The following STPG4 variants were observed in gnomAD, a reference collection of about 807,000 sequenced individuals.
The protein encoded by STPG4 is sperm-tail PG-rich repeat containing 4.
In STPG4, 41 loss-of-function variants were observed where a neutral mutation model predicts 31.5. That is an observed-to-expected ratio of 1.30 (90% CI 1.01 to 1.69). The LOEUF is 1.69. Ranked by LOEUF, STPG4 falls within the 40% of genes most tolerant of loss-of-function variation. The pLI is 0.00. For missense variants in STPG4, 375 were observed against 293.4 expected (o/e 1.28, Z -2.03); for synonymous variants, 141 against 103.0 (o/e 1.37, Z -2.24).
At chr2:47,125,600 A>C (rs948437330) in intron 5 of STPG4, among the ~76,000 whole-genome samples, 1 of 152,098 alleles carries the variant, frequency 6.6e-6, no homozygotes, top group African/African-American at 2.4e-5. Flanking sequence ...TCCCATTTAC[A>C]CATTTTTGCT....
chr2:47,133,539 G>A (rs1228386615), intron 3 of STPG4, among the ~76,000 whole-genome samples: 1 of 105,222 alleles, frequency 9.5e-6, no homozygotes, highest in African/African-American at 3.4e-5. Context: ...ACTAATTAAT[G>A]TTTCAATCCA....
At chr2:47,107,754 G>A (rs1685947981) in intron 5 of STPG4, among the ~76,000 whole-genome samples, 1 of 152,162 alleles carries the variant, frequency 6.6e-6, no homozygotes, top group Non-Finnish European at 1.5e-5. Flanking sequence ...GAGTCTGGTG[G>A]GGACGTGGAG....
chr2:47,117,966 G>T (rs768489724), intron 5 of STPG4, among the ~76,000 whole-genome samples: 23 of 151,128 alleles, frequency 1.5e-4, no homozygotes, highest in Non-Finnish European at 3.1e-4. Flanking sequence ...TTGCTCTGTT[G>T]CCCAGGCTGG....
In STPG4 at chr2:47,153,023, A is replaced by G; in HGVS notation, c.82-7T>C. 1.9e-6 allele frequency: 3 copies of G among 1,604,498 alleles called. No homozygotes were observed. Among genetic ancestry groups the G allele is most frequent in the Non-Finnish European group, 2.6e-6 (3 of 1,172,764 alleles). On this transcript the variant is annotated splice_region_variant and splice_polypyrimidine_tract_variant and intron_variant, in intron 1 of 6. Transcript: ENST00000445927. ...AAGTCTTTTGGGCTGGTTTCTGTTA[A>G]CAAACACAAAGTATGCTTATTCATT...
At chr2:47,141,793 G>C (rs1686717262) in intron 3 of STPG4, among the ~76,000 whole-genome samples, 1 of 151,660 alleles carries the variant, frequency 6.6e-6, no homozygotes, top group Non-Finnish European at 1.5e-5. Flanking sequence ...TGAGTGTTCA[G>C]ATCACTGCTG....
chr2:47,133,570 CT>C (rs10682288), intron 3 of STPG4, among the ~76,000 whole-genome samples: 21 of 67,154 alleles, frequency 3.1e-4, no homozygotes, highest in African/African-American at 6.9e-4. Context: ...GCACTCAAAT[CT>C]TTTTTTTTTT....
intron 5 of STPG4, among the ~76,000 whole-genome samples, chr2:47,111,034 A>G (rs1686026412): frequency 6.6e-6 from 1 of 152,194 alleles, no homozygotes; most frequent in Non-Finnish European, 1.5e-5. Context: ...ATATTTCTGT[A>G]TTTAAGATAA....
At chr2:47,100,482 A>T (rs1685771113) in intron 5 of STPG4, among the ~76,000 whole-genome samples, 1 of 148,870 alleles carries the variant, frequency 6.7e-6, no homozygotes, top group Non-Finnish European at 1.5e-5. Flanking sequence ...CCCTGTCAAA[A>T]CAGACCACTC....
intron 5 of STPG4, among the ~76,000 whole-genome samples, chr2:47,105,997 C>G (rs1009732263): frequency 6.6e-6 from 1 of 151,342 alleles, no homozygotes; most frequent in Non-Finnish European, 1.5e-5. Context: ...GAGGGGAGAA[C>G]AGCAGCATAA....
chr2:47,137,815 G>C (rs1686625912), intron 3 of STPG4, among the ~76,000 whole-genome samples: 1 of 152,228 alleles, frequency 6.6e-6, no homozygotes, highest in East Asian at 1.9e-4. Context: ...AGGATCTGTA[G>C]TGATGTCTCC....
intron 5 of STPG4, chr2:47,121,099 A>G (rs548352645): frequency 1.3e-5 from 2 of 154,366 alleles, no homozygotes; most frequent in East Asian, 1.9e-4. Flanking sequence ...AGAACACAAG[A>G]AAAGCTGGGG....
chr2:47,105,221 C>A (rs1196467427), intron 5 of STPG4, among the ~76,000 whole-genome samples: 1 of 151,896 alleles, frequency 6.6e-6, no homozygotes, highest in Non-Finnish European at 1.5e-5. Context: ...CATGGGACAA[C>A]CCCACAACCG....
intron 6 of STPG4, among the ~76,000 whole-genome samples, chr2:47,088,702 G>A (rs1685509297): frequency 6.6e-6 from 1 of 152,216 alleles, no homozygotes; most frequent in Non-Finnish European, 1.5e-5. Flanking sequence ...CAAGAGTGGA[G>A]CAGAGCAGTC....
chr2:47,151,906 A>G (rs1445277149), intron 2 of STPG4, among the ~76,000 whole-genome samples: 1 of 90,604 alleles, frequency 1.1e-5, no homozygotes, highest in Non-Finnish European at 2.4e-5. Flanking sequence ...ACGCCCGGCT[A>G]GTTTTTTGTT....
intron 3 of STPG4, among the ~76,000 whole-genome samples, chr2:47,143,539 G>A (rs778743353): frequency 3.3e-5 from 5 of 150,434 alleles, no homozygotes; most frequent in Non-Finnish European, 5.9e-5. Context: ...AGGCTGGAGT[G>A]CAGTGATGTG....
At chr2:47,091,726 T>C (rs11125116) in intron 5 of STPG4, among the ~76,000 whole-genome samples, 127,410 of 152,074 alleles carry the variant, frequency 0.84, 53,570 homozygotes, top group Admixed American at 0.89. Flanking sequence ...AAGTTGTATA[T>C]GTTTTTCAAG....
chr2:47,148,813 G>A (rs1686878643), intron 3 of STPG4, among the ~76,000 whole-genome samples: 1 of 152,130 alleles, frequency 6.6e-6, no homozygotes, highest in Non-Finnish European at 1.5e-5. Context: ...AGTTTACTGA[G>A]AATGATGGTT....
chr2:47,134,859 C>T (rs75310910), intron 3 of STPG4, among the ~76,000 whole-genome samples: 2,379 of 152,284 alleles, frequency 0.016, 61 homozygotes, highest in African/African-American at 0.054. Context: ...ACATCCTTGC[C>T]AGCTTTGATG....
chr2:47,093,308 TG>T (rs1463485100), intron 5 of STPG4, among the ~76,000 whole-genome samples: 17 of 152,244 alleles, frequency 1.1e-4, no homozygotes, highest in African/African-American at 4.1e-4. Context: ...TGTATACGTG[TG>T]ACAGAGGTTG....
Sources: gnomAD v4.1 joint callset for allele counts (sites outside exome capture counted in the v4.1 genomes callset) on GRCh38, gnomAD v4.1.1 for gene constraint, MANE v1.5 for transcripts, NCBI Gene and HGNC (gene_info 2026-07-23, HGNC 2026-07-21) for gene names.